DHX57: variants seen among roughly 807,000 people sequenced by gnomAD.
DHX57 encodes the protein DExH-box helicase 57.
A neutral mutation model predicts 156.2 loss-of-function variants in DHX57; 105 were observed. The observed-to-expected ratio is 0.67, with a 90% confidence interval of 0.57 to 0.79. DHX57 has a LOEUF of 0.79. DHX57 is among the 30% of genes least tolerant of loss of function. The probability of loss-of-function intolerance (pLI) is 0.00; values close to 1 mark genes in which losing one functional copy is unlikely to be tolerated. For synonymous variants in DHX57, 704 were observed against 595.6 expected (o/e 1.18, Z -2.65); for missense variants, 1,847 against 1,661.9 (o/e 1.11, Z -1.94).
chr2:38,798,834 C>G (rs1669524271), intron 23 of DHX57, among the ~76,000 whole-genome samples: 1 of 152,080 alleles, frequency 6.6e-6, no homozygotes, highest in Non-Finnish European at 1.5e-5. Context: ...ATCCCAGCTA[C>G]TCAGAGGCTG....
At chr2:38,836,215 G>T (rs1298822777) in intron 13 of DHX57, among the ~76,000 whole-genome samples, 1 of 152,136 alleles carries the variant, frequency 6.6e-6, no homozygotes, top group Non-Finnish European at 1.5e-5. Flanking sequence ...AGCAAAGTCA[G>T]ACAGAAATTA....
At position 38,802,700 on chromosome 2, in the gene DHX57, C is replaced by CA; in HGVS notation, c.4017+14dup. 6.2e-7 allele frequency: 1 copy of CA among 1,613,554 alleles called. No individual in the cohort carries two copies. The highest frequency in any genetic ancestry group is 8.5e-7 in the Non-Finnish European group (1 of 1,179,932). ...ATGGCCTGAGCCTCATAAAACAGAC[C>CA]AATTCTGCCTTTACCTGATGGGAAG... On this transcript the variant is annotated intron_variant, in intron 23 of 23. Transcript: ENST00000457308.
chr2:38,871,103 G>C (rs1665331121), intron 1 of DHX57, among the ~76,000 whole-genome samples: 1 of 152,028 alleles, frequency 6.6e-6, no homozygotes. Context: ...AAAAAACAAA[G>C]AGTACTAGTA....
rs1170762547 is a variant in DHX57 at position 38,808,729 on chromosome 2, G to T, written c.3682-2036C>A. Among the ~76,000 whole-genome samples the T allele has an allele frequency of 2.0e-5, 3 of 152,116 alleles. No individual in the cohort carries two copies. The South Asian group carries it at 6.2e-4, about 32-fold the overall frequency. The stretch of plus-strand genomic sequence containing the variant: ...AGAGTACTCATTTTGGGGGGTTCAT[G>T]ACAGCACCAGCATTATATTATTTAT... On this transcript the variant is annotated intron_variant, in intron 21 of 23. Transcript: ENST00000457308.
intron 11 of DHX57, among the ~76,000 whole-genome samples, chr2:38,844,087 C>A (rs961549567): frequency 1.3e-5 from 2 of 152,152 alleles, no homozygotes; most frequent in African/African-American, 4.8e-5. Flanking sequence ...TCCTGACTTC[C>A]TCCAACCCCT....
At chr2:38,857,395 G>A (rs1672956171) in intron 6 of DHX57, among the ~76,000 whole-genome samples, 1 of 152,060 alleles carries the variant, frequency 6.6e-6, no homozygotes, top group African/African-American at 2.4e-5. Flanking sequence ...TTAAAACTCT[G>A]GCTATACTTT....
chr2:38,837,988 C>G (rs528031761), intron 12 of DHX57, 41 bp from the exon 13 acceptor site: 2 of 1,278,486 alleles, frequency 1.6e-6, no homozygotes, highest in African/African-American at 1.5e-5. Context: ...ATATTTATAC[C>G]TTGTTGATGT....
intron 9 of DHX57, among the ~76,000 whole-genome samples, chr2:38,850,473 G>A (rs1672526644): frequency 6.6e-6 from 1 of 151,794 alleles, no homozygotes; most frequent in African/African-American, 2.4e-5. Flanking sequence ...TATTGCCCAG[G>A]CTGGTCTCAA....
Position 38,861,305 on chromosome 2 carries a change from C to T in DHX57, c.1105G>A (p.Ala369Thr). 1.2e-6 allele frequency: 2 copies of T among 1,614,074 alleles called. No homozygotes were observed. The highest frequency in any genetic ancestry group is 1.7e-6 in the Non-Finnish European group (2 of 1,180,028). Residue 369 changes from alanine to threonine, a missense_variant, in exon 5 of 24, where the codon GCT (alanine) becomes ACT (threonine). Physicochemically the swap from Ala to Thr is moderately conservative, Grantham distance 58. Transcript: ENST00000457308. ...GTGGAATAAAATGCCACGAGCGGAG[C>T]TTGGTAGGGATATTTGTGGTCTTTA... is the stretch of plus-strand genomic sequence containing the variant. ...FSKDHKYPYQAPLVAFYSTNE... is the reference protein window; with the variant it reads ...FSKDHKYPYQTPLVAFYSTNE...
In DHX57 at chr2:38,861,807, C is replaced by A. The variant is rs747041632; in HGVS notation, c.603G>T (p.Ala201=). ...CATCTCCATCACACATCCTCAGGAC[C>A]GCTTGACAGCGTTCAGTATTGAAAC... The part of the protein sequence containing the change: ...RYGFNTERCQ[A]VLRMCDGDVG... The change falls in exon 5 of 24, where the codon GCG becomes GCT. Residue 201 remains alanine (A), a synonymous_variant. Transcript: ENST00000457308. 1 of 1,611,086 alleles carries A rather than the reference C, an allele frequency of 6.2e-7. No homozygotes were observed. The highest frequency in any genetic ancestry group is 8.5e-7 in the Non-Finnish European group (1 of 1,178,578).
intron 21 of DHX57, among the ~76,000 whole-genome samples, chr2:38,809,189 G>A (rs954856336): frequency 3.3e-5 from 5 of 151,958 alleles, no homozygotes; most frequent in African/African-American, 9.7e-5. Context: ...GCACAATCAC[G>A]GCTCACTGCA....
chr2:38,814,090 G>A (rs1490487559), intron 20 of DHX57, among the ~76,000 whole-genome samples, 195 bp from the exon 21 acceptor site: 2 of 151,736 alleles, frequency 1.3e-5, no homozygotes, highest in African/African-American at 2.4e-5. Flanking sequence ...GGCATACACC[G>A]CTATGCCCGG....
intron 11 of DHX57, among the ~76,000 whole-genome samples, chr2:38,846,424 C>A (rs1672290837): frequency 6.6e-6 from 1 of 151,478 alleles, no homozygotes; most frequent in Non-Finnish European, 1.5e-5. Context: ...AGTTTGAGAC[C>A]AGCCTGGGCA....
chr2:38,866,573 T>C (rs1235487879), intron 2 of DHX57, among the ~76,000 whole-genome samples: 1 of 152,180 alleles, frequency 6.6e-6, no homozygotes, highest in African/African-American at 2.4e-5. Flanking sequence ...TGTTTATGGT[T>C]TTTCTATCTC....
chr2:38,841,782 G>A (rs1231943867), intron 12 of DHX57, among the ~76,000 whole-genome samples: 1 of 152,066 alleles, frequency 6.6e-6, no homozygotes, highest in Non-Finnish European at 1.5e-5. Context: ...GGTTTCTATG[G>A]GCTCAGTTTA....
At chr2:38,807,765 A>C (rs1036955723) in intron 21 of DHX57, among the ~76,000 whole-genome samples, 3 of 151,788 alleles carry the variant, frequency 2.0e-5, no homozygotes, top group African/African-American at 7.3e-5. Context: ...CTCCTGCCTC[A>C]GCATCCCAAG....
At chr2:38,852,200 T>C (rs1030442068) in intron 9 of DHX57, among the ~76,000 whole-genome samples, 1 of 151,812 alleles carries the variant, frequency 6.6e-6, no homozygotes, top group South Asian at 2.1e-4. Context: ...TCCTTTTTTT[T>C]TTTTCTTGCT....
chr2:38,813,963 A>G, intron 20 of DHX57, 68 bp from the exon 21 acceptor site: 1 of 1,556,788 alleles, frequency 6.4e-7, no homozygotes, highest in South Asian at 1.1e-5. Flanking sequence ...TTTGAGATGG[A>G]GTCTTGCTCT....
At position 38,861,702 on chromosome 2, in the gene DHX57, G is replaced by A. The variant is rs775475592; in HGVS notation, c.708C>T (p.Val236=). ...FGERMKISEA[V]NQISLDECME... is the part of the protein sequence containing the mutation. ...TACACTCATCCAAGCTTATCTGGTT[G>A]ACTGCCTCAGAGATCTTCATCCTCT... Residue 236 remains valine (V), a synonymous_variant, in exon 5 of 24, where the codon GTC becomes GTT. Coordinates refer to ENST00000457308, the MANE Select transcript of DHX57 (RefSeq NM_198963.3). 1 of 1,614,100 alleles carries A rather than the reference G, an allele frequency of 6.2e-7. No individual in the cohort carries two copies. Among genetic ancestry groups the A allele is most frequent in the Non-Finnish European group, 8.5e-7 (1 of 1,180,024 alleles).
Sources: allele counts gnomAD v4.1 joint callset (sites outside exome capture counted in the v4.1 genomes callset), GRCh38; gene constraint gnomAD v4.1.1; transcripts MANE v1.5; gene names NCBI Gene and HGNC (gene_info 2026-07-23, HGNC 2026-07-21).